Variants in ZRANB3 observed in about 807,000 individuals in gnomAD.
ZRANB3 encodes DNA annealing helicase and endonuclease ZRANB3.
In ZRANB3, 125 loss-of-function variants were observed where a neutral mutation model predicts 133.8. The ratio of observed to expected loss-of-function variants is 0.93; its 90% CI spans 0.81 to 1.08. The LOEUF (loss-of-function observed/expected upper bound fraction) is 1.08. Among genes scored for constraint, ZRANB3 ranks in the 50% least tolerant of loss-of-function variants. The probability of loss-of-function intolerance (pLI) is 0.00; values close to 1 mark genes in which losing one functional copy is unlikely to be tolerated. For missense variants in ZRANB3, 1,229 were observed against 1,275.5 expected, an observed-to-expected ratio of 0.96 and a Z score of 0.56; for synonymous variants, 387 against 432.7, an observed-to-expected ratio of 0.89 and a Z score of 1.31.
intron 2 of ZRANB3, chr2:135,504,110 A>G: frequency 1.7e-6 from 1 of 604,428 alleles, no homozygotes; most frequent in Middle Eastern, 4.6e-4. Flanking sequence ...AATAATTAAG[A>G]TAACTGAACA....
rs769188249 is a variant in ZRANB3, at chr2:135,504,344, A to G, written c.146T>C (p.Leu49Pro). Residue 49 changes from leucine (L) to proline (P), a missense_variant, in exon 2 of 21, where the codon CTC (leucine) becomes CCC (proline). Physicochemically the swap from Leu to Pro is moderately conservative, Grantham distance 98 (BLOSUM62 -3). Transcript: ENST00000264159. ...PFQKDGIIFA[L>P]KRNGRCMVAD... ...AGAACTTTACCTGCCATTTCTTTTG[A>G]GGGCAAAAATGATGCCATCTTTCTG... 6.2e-7 allele frequency: 1 copy of G among 1,613,382 alleles called. No individual in the cohort carries two copies. Among genetic ancestry groups the G allele is most frequent in the East Asian group, 2.2e-5 (1 of 44,774 alleles).
rs898597353 is a variant in ZRANB3 at position 135,279,082 on chromosome 2, TA to T, written c.967-3328del. 1.7e-4 allele frequency among the ~76,000 whole-genome samples: 25 copies of T among 149,436 alleles called. No homozygotes were observed. In the South Asian group the frequency reaches 3.6e-3, roughly 22 times the overall value. ...GTGTTGAGGGATTTGAAGTAAATAC[TA>T]AAAAAAAAATCAGCTGAAAGAAAAG... On this transcript the variant is annotated intron_variant, in intron 8 of 20. Coordinates refer to ENST00000264159, the MANE Select transcript of ZRANB3 (RefSeq NM_032143.4).
chr2:135,315,214 C>G, intron 7 of ZRANB3, 145 bp downstream of exon 7: 1 of 747,144 alleles, frequency 1.3e-6, no homozygotes, highest in Non-Finnish European at 1.8e-6. Flanking sequence ...TGCTGAAATA[C>G]AAAACCAATG....
intron 2 of ZRANB3, among the ~76,000 whole-genome samples, chr2:135,479,257 C>A (rs1011502657): frequency 6.6e-6 from 1 of 152,130 alleles, no homozygotes; most frequent in African/African-American, 2.4e-5. Flanking sequence ...GCTAGAGAAT[C>A]GTAGAAGGGT....
At chr2:135,388,938 T>G (rs1368916325) in intron 3 of ZRANB3, among the ~76,000 whole-genome samples, 2 of 151,750 alleles carry the variant, frequency 1.3e-5, no homozygotes, top group Non-Finnish European at 2.9e-5. Context: ...ATTAGCCGGG[T>G]GTGGTGGCAG....
chr2:135,395,023 G>T (rs1262934762), intron 2 of ZRANB3, among the ~76,000 whole-genome samples: 2 of 150,628 alleles, frequency 1.3e-5, no homozygotes, highest in Admixed American at 1.3e-4. Flanking sequence ...ACTTATATGG[G>T]ACCACAAAAG....
At chr2:135,233,778 G>C (rs1401890891) in intron 12 of ZRANB3, among the ~76,000 whole-genome samples, 1 of 152,072 alleles carries the variant, frequency 6.6e-6, no homozygotes, top group African/African-American at 2.4e-5. Flanking sequence ...TGCCCTAAAA[G>C]AGCTCCTGAA....
chr2:135,413,046 A>C (rs1157378015), intron 2 of ZRANB3, among the ~76,000 whole-genome samples: 1 of 152,220 alleles, frequency 6.6e-6, no homozygotes, highest in East Asian at 1.9e-4. Flanking sequence ...AAACAAAACA[A>C]AACACTGAAT....
chr2:135,388,153 C>T (rs1687065188), intron 3 of ZRANB3, among the ~76,000 whole-genome samples: 1 of 152,116 alleles, frequency 6.6e-6, no homozygotes, highest in African/African-American at 2.4e-5. Context: ...TGCAAGAGAG[C>T]GTGTGCAGGG....
At chr2:135,461,094 G>A (rs1035298917) in intron 2 of ZRANB3, among the ~76,000 whole-genome samples, 2 of 152,112 alleles carry the variant, frequency 1.3e-5, no homozygotes, top group East Asian at 1.9e-4. Context: ...TAGAGAACAG[G>A]CCTGAAAATG....
At chr2:135,250,364 T>G (rs1679332178) in intron 12 of ZRANB3, among the ~76,000 whole-genome samples, 1 of 152,158 alleles carries the variant, frequency 6.6e-6, no homozygotes, top group South Asian at 2.1e-4. Context: ...CCTGACTATG[T>G]GACAGAAAAG....
intron 2 of ZRANB3, among the ~76,000 whole-genome samples, chr2:135,490,074 T>C (rs555371304): frequency 6.6e-6 from 1 of 152,228 alleles, no homozygotes; most frequent in African/African-American, 2.4e-5. Context: ...AAAAAATTGA[T>C]CACTTCTAAG....
chr2:135,368,719 T>C (rs572683275), intron 3 of ZRANB3, among the ~76,000 whole-genome samples: 2 of 152,042 alleles, frequency 1.3e-5, no homozygotes, highest in African/African-American at 2.4e-5. Context: ...ACACATTGTA[T>C]GCCTGTATCA....
chr2:135,490,973 C>T (rs1486850792), intron 2 of ZRANB3, among the ~76,000 whole-genome samples: 1 of 152,006 alleles, frequency 6.6e-6, no homozygotes, highest in South Asian at 2.1e-4. Context: ...TTAGTGGCTA[C>T]TAGTGGTTGG....
intron 3 of ZRANB3, among the ~76,000 whole-genome samples, chr2:135,385,023 G>A (rs907246314): frequency 3.9e-5 from 6 of 152,126 alleles, no homozygotes; most frequent in African/African-American, 1.4e-4. Flanking sequence ...GAAATAAAGG[G>A]TATTGAAATA....
At chr2:135,408,628 T>C (rs1428125844) in intron 2 of ZRANB3, among the ~76,000 whole-genome samples, 1 of 152,156 alleles carries the variant, frequency 6.6e-6, no homozygotes. Flanking sequence ...ATATACACCA[T>C]GGAATACTAT....
intron 14 of ZRANB3, among the ~76,000 whole-genome samples, chr2:135,225,524 C>T (rs1694724273): frequency 1.3e-5 from 2 of 152,200 alleles, no homozygotes; most frequent in African/African-American, 4.8e-5. Context: ...TGGCATTTTA[C>T]AATCATTGCT....
At chr2:135,250,364 T>C (rs1679332178) in intron 12 of ZRANB3, among the ~76,000 whole-genome samples, 1 of 152,158 alleles carries the variant, frequency 6.6e-6, no homozygotes, top group Admixed American at 6.5e-5. Context: ...CCTGACTATG[T>C]GACAGAAAAG....
chr2:135,342,527 G>A (rs557555355), intron 6 of ZRANB3, among the ~76,000 whole-genome samples: 1 of 149,828 alleles, frequency 6.7e-6, no homozygotes, highest in South Asian at 2.1e-4. Flanking sequence ...CTAGGCTAGT[G>A]TCAAACTCCT....
Sources: gnomAD v4.1 joint callset for allele counts (sites outside exome capture counted in the v4.1 genomes callset) on GRCh38, gnomAD v4.1.1 for gene constraint, MANE v1.5 for transcripts, NCBI Gene and HGNC (gene_info 2026-07-23, HGNC 2026-07-21) for gene names.